GNE: variants seen among roughly 807,000 people sequenced by gnomAD.
The protein encoded by GNE is bifunctional UDP-N-acetylglucosamine 2-epimerase/N-acetylmannosamine kinase.
GNE carries 41 observed loss-of-function variants against 61.8 expected under a neutral mutation model. That is an observed-to-expected ratio of 0.66 (90% confidence interval 0.52 to 0.86). The LOEUF (loss-of-function observed/expected upper bound fraction) is 0.86, where lower values mean the gene tolerates loss of function less well. GNE is among the 40% of genes least tolerant of loss of function. GNE has a pLI of 0.00. For missense variants in GNE, 608 were observed against 909.1 expected, an observed-to-expected ratio of 0.67 and a Z score of 4.26; for synonymous variants, 264 against 326.4, an observed-to-expected ratio of 0.81 and a Z score of 2.06.
In GNE at chr9:36,257,065, A is replaced by G. The variant is rs185350570; in HGVS notation, c.-43+1256T>C. Among the ~76,000 whole-genome samples, 321 of 152,208 alleles carry G rather than the reference A, an allele frequency of 2.1e-3. 13 individuals carry two copies. In the East Asian group the frequency reaches 0.052, roughly 25 times the overall value. On this transcript the variant is annotated intron_variant, in intron 1 of 11. Transcript: ENST00000642385. ...CTAAAAATACAAAAATTAACCGAGC[A>G]TGGTGGCAGGCGCCTGTAATCCCAG...
chr9:36,227,811 G>T (rs139622347), intron 6 of GNE, among the ~76,000 whole-genome samples: 6 of 151,924 alleles, frequency 3.9e-5, no homozygotes, highest in South Asian at 4.2e-4. Context: ...CGAGGCTGGC[G>T]GATCACCTGA....
chr9:36,261,438 G>A (rs945369642), upstream of GNE, among the ~76,000 whole-genome samples: 5 of 151,508 alleles, frequency 3.3e-5, no homozygotes, highest in South Asian at 2.1e-4. Context: ...CTGTAGTCCC[G>A]GCTACTTGGG....
intron 1 of GNE, among the ~76,000 whole-genome samples, chr9:36,274,562 C>T (rs1831185849): frequency 6.6e-6 from 1 of 152,116 alleles, no homozygotes; most frequent in Non-Finnish European, 1.5e-5. Flanking sequence ...ACATCCTGGG[C>T]TTGCAAGACA....
At chr9:36,274,335 A>G (rs148057615) in intron 1 of GNE, among the ~76,000 whole-genome samples, 10 of 152,154 alleles carry the variant, frequency 6.6e-5, no homozygotes, top group African/African-American at 2.4e-4. Flanking sequence ...GCCTCAAGCA[A>G]TCCTCCTGCC....
chr9:36,218,339 G>GT lies in GNE; in HGVS notation c.1817-41dup, dbSNP rs1172735263. The GT allele has an allele frequency of 6.9e-7, 1 of 1,442,834 alleles. No homozygotes were observed. The highest frequency in any genetic ancestry group is 2.3e-5 in the East Asian group (1 of 44,102). The allele number at this position is 1,442,834 out of a possible 1,614,324, so 89.4% of individuals were successfully genotyped here. On this transcript the variant is annotated intron_variant, in intron 10 of 11. Transcript: ENST00000642385. The surrounding 1 kb of genome is among the most constrained non-coding windows in gnomAD (Gnocchi z 4.1). ...AAGGAAAAGCAGTCACTAATGAGCT[G>GT]TGGGGAGGCCAAGCTCACCACTGGG...
intron 3 of GNE, among the ~76,000 whole-genome samples, chr9:36,238,182 T>C (rs183368891): frequency 1.3e-4 from 20 of 152,102 alleles, no homozygotes; most frequent in Admixed American, 3.3e-4. Flanking sequence ...ATCCAATCAT[T>C]GATTAATGGG....
At chr9:36,242,164 G>GAA (rs35198868) in intron 3 of GNE, among the ~76,000 whole-genome samples, 39 of 146,700 alleles carry the variant, frequency 2.7e-4, no homozygotes, top group African/African-American at 9.2e-4. Flanking sequence ...TCAAAAAAAA[G>GAA]AAAAAAAAAA....
chr9:36,226,339 A>ATTTTTT (rs35541515), intron 7 of GNE, among the ~76,000 whole-genome samples: 3 of 141,236 alleles, frequency 2.1e-5, no homozygotes, highest in Non-Finnish European at 3.1e-5. Context: ...TGCCCAGCTA[A>ATTTTTT]TTTTTTTTTT....
intron 2 of GNE, 109 bp downstream of exon 2, chr9:36,249,080 TAAA>T (rs1233870182): frequency 5.9e-6 from 5 of 841,742 alleles, no homozygotes; most frequent in African/African-American, 5.0e-5. Context: ...TAAGGCCACA[TAAA>T]AACTAAGCAG....
At position 36,219,971 on chromosome 9, in the gene GNE, G is replaced by A; in HGVS notation, c.1683C>T (p.Ser561=). The part of the protein sequence containing the change: ...IHQHELIHGS[S]FCAAELGHLV... ...GGTGGCCCAGTTCTGCAGCACAGAA[G>A]GAGCTTCCGTGGATCAATTCATGCT... The change falls in exon 10 of 12, where the codon TCC becomes TCT. Residue 561 remains serine (S), a synonymous_variant. Coordinates refer to ENST00000642385, the MANE Select transcript of GNE (RefSeq NM_005476.7). The A allele has an allele frequency of 6.2e-7, 1 of 1,614,154 alleles. No homozygotes were observed. The highest frequency in any genetic ancestry group is 2.2e-5 in the East Asian group (1 of 44,886).
intron 5 of GNE, among the ~76,000 whole-genome samples, chr9:36,232,662 TA>T (rs1439569795): frequency 6.6e-6 from 1 of 152,188 alleles, no homozygotes; most frequent in Admixed American, 6.5e-5. Flanking sequence ...GTCATCTCCT[TA>T]AAGAGGCCTT....
rs1319740532 is a variant in GNE, at chr9:36,216,506, T to C, written c.*859A>G. On this transcript the variant is annotated 3_prime_UTR_variant, in exon 12 of 12. Transcript: ENST00000642385. ...ACATGCCACCACGCCCGGCTAATTT[T>C]TGTATTTTAGTAGAGATGGGGTTTC... The C allele has an allele frequency of 1.6e-5, 4 of 252,106 alleles. No individual in the cohort carries two copies. The highest frequency in any genetic ancestry group is 9.3e-5 in the Admixed American group (2 of 21,618). The allele number at this position is 252,106 out of a possible 1,614,324, so 15.6% of individuals were successfully genotyped here. A position where few individuals can be genotyped will look rare whatever the true frequency, so the allele number is the denominator to read the frequency against.
chr9:36,256,958 G>A (rs1830378822), intron 1 of GNE, among the ~76,000 whole-genome samples: 2 of 152,160 alleles, frequency 1.3e-5, no homozygotes, highest in Non-Finnish European at 2.9e-5. Context: ...TGTAACCCCA[G>A]CACTTTGGGA....
exon 1 of GNE, chr9:36,276,952 C>G (rs757216343): frequency 1.2e-6 from 2 of 1,613,326 alleles, no homozygotes; most frequent in South Asian, 1.1e-5. Flanking sequence ...CATCCCGAAG[C>G]ACGAGCTCTG....
chr9:36,257,671 T>C (rs896833349), intron 1 of GNE, among the ~76,000 whole-genome samples: 11 of 150,170 alleles, frequency 7.3e-5, no homozygotes, highest in South Asian at 2.1e-4. Context: ...GGCGTGGTGG[T>C]GGGCGCCTGT....
At chr9:36,273,888 GC>G (rs973636680) in intron 1 of GNE, among the ~76,000 whole-genome samples, 1 of 151,672 alleles carries the variant, frequency 6.6e-6, no homozygotes, top group Admixed American at 6.6e-5. Context: ...ACCCGCCTCG[GC>G]CCCCCAAAGT....
chr9:36,264,529 G>C (rs1457719193), intron 1 of GNE, among the ~76,000 whole-genome samples: 1 of 152,050 alleles, frequency 6.6e-6, no homozygotes, highest in Non-Finnish European at 1.5e-5. Flanking sequence ...ACCTTATTTC[G>C]ATCCCCACTT....
chr9:36,247,955 G>C (rs1047731813), intron 2 of GNE, among the ~76,000 whole-genome samples: 3 of 150,422 alleles, frequency 2.0e-5, no homozygotes, highest in African/African-American at 7.4e-5. Flanking sequence ...GAACCCGGGA[G>C]GTGGAAGTTG....
intron 3 of GNE, 64 bp from the exon 4 acceptor site, chr9:36,237,048 A>G (rs1344239553): frequency 6.0e-6 from 8 of 1,335,974 alleles, no homozygotes; most frequent in African/African-American, 1.4e-5. Flanking sequence ...GAAAGAAGCA[A>G]ATTCTGAAAG....
Sources: gnomAD v4.1 joint callset for allele counts (sites outside exome capture counted in the v4.1 genomes callset) on GRCh38, gnomAD v4.1.1 for gene constraint, Gnocchi (gnomAD v3.1) non-coding constraint, MANE v1.5 for transcripts, NCBI Gene and HGNC (gene_info 2026-07-23, HGNC 2026-07-21) for gene names.